RGS20: variants seen among roughly 807,000 people sequenced by gnomAD.
The protein encoded by RGS20 is regulator of G protein signaling 20.
RGS20 carries 30 observed loss-of-function variants against 33.6 expected under a neutral mutation model. The ratio of observed to expected loss-of-function variants is 0.89; its 90% CI spans 0.67 to 1.21. RGS20 has a LOEUF of 1.21. Ranked by LOEUF, RGS20 falls within the 50% of genes most tolerant of loss-of-function variation. The pLI is 0.00. For missense variants in RGS20, 472 were observed against 502.4 expected (o/e 0.94, Z 0.58); for synonymous variants, 208 against 197.9 (o/e 1.05, Z -0.43).
At chr8:53,854,230 A>G (rs1055748359) in intron 1 of RGS20, among the ~76,000 whole-genome samples, 3 of 152,194 alleles carry the variant, frequency 2.0e-5, no homozygotes, top group African/African-American at 7.2e-5. Flanking sequence ...AAATCAATAA[A>G]TAAGACTTCA....
intron 2 of RGS20, among the ~76,000 whole-genome samples, chr8:53,917,720 T>G (rs7825816): frequency 0.12 from 18,142 of 152,150 alleles, 3,122 homozygotes; most frequent in African/African-American, 0.38. Flanking sequence ...AGTGAGCTAC[T>G]ATCACACCAC....
intron 2 of RGS20, among the ~76,000 whole-genome samples, chr8:53,911,075 G>A (rs971394296): frequency 6.6e-6 from 1 of 152,162 alleles, no homozygotes; most frequent in African/African-American, 2.4e-5. Flanking sequence ...TGAACTATTA[G>A]ATCTGAGCTA....
intron 2 of RGS20, among the ~76,000 whole-genome samples, chr8:53,926,836 C>A (rs1813813993): frequency 6.6e-6 from 1 of 152,006 alleles, no homozygotes; most frequent in Non-Finnish European, 1.5e-5. Flanking sequence ...TCGCTTGAAC[C>A]CAAGAGGCGG....
At position 53,879,384 on chromosome 8, in the gene RGS20, C is replaced by A. The variant is rs1207750649; in HGVS notation, c.292C>A (p.Pro98Thr). 3 of 1,611,372 alleles carry A rather than the reference C, an allele frequency of 1.9e-6. No individual in the cohort carries two copies. The highest frequency in any genetic ancestry group is 3.3e-5 in the Admixed American group (2 of 60,008). The change falls in exon 2 of 6, where the codon CCC becomes ACC. Residue 98 changes from proline to threonine, a missense_variant. Pro to Thr is a conservative substitution (Grantham distance 38, BLOSUM62 -1). Around this residue, in one of 3 missense-constraint regions of RGS20, gnomAD observed 319 missense variants for 283.4 expected, o/e 1.13. Transcript: ENST00000297313. The stretch of plus-strand genomic sequence containing the variant: ...TCTCCGGCGACCCCCTCCCGAGGCT[C>A]CCCGGAGGCGCCTGGACTTCTCCCC...
At chr8:53,920,773 T>C (rs1813619674) in intron 2 of RGS20, among the ~76,000 whole-genome samples, 1 of 152,188 alleles carries the variant, frequency 6.6e-6, no homozygotes, top group Admixed American at 6.5e-5. Context: ...AATTTTTTTT[T>C]TGAGACGGGC....
Position 53,952,171 on chromosome 8 carries a change from G to A in RGS20, c.744-1905G>A, listed in dbSNP as rs375648479. Among the ~76,000 whole-genome samples the A allele has an allele frequency of 2.3e-3, 314 of 134,646 alleles. 8 individuals are homozygous for A. The East Asian group carries it at 0.055, about 23-fold the overall frequency. The allele number at this position is 134,646 out of a possible 152,430, so 88.3% of individuals were successfully genotyped here. The stretch of plus-strand genomic sequence containing the variant: ...CGGCTCACTGCAACATCTGCCTCCC[G>A]GGTTCAAGTGATTCTCCTGGCTCAG... On this transcript the variant is annotated intron_variant, in intron 4 of 5. Coordinates refer to ENST00000297313, the MANE Select transcript of RGS20 (RefSeq NM_170587.4).
At chr8:53,946,798 C>T in intron 4 of RGS20, 50 bp downstream of exon 3, 1 of 1,453,512 alleles carries the variant, frequency 6.9e-7, no homozygotes, top group East Asian at 2.3e-5. Flanking sequence ...AAATACTAAC[C>T]TCTTTCTTTT....
Position 53,874,772 on chromosome 8 carries a change from C to T in RGS20, c.166-4486C>T, listed in dbSNP as rs117507588. Among the ~76,000 whole-genome samples, 106 of 152,256 alleles carry T rather than the reference C, an allele frequency of 7.0e-4. 1 individual carries two copies. In the East Asian group the frequency reaches 0.011, roughly 16 times the overall value. Reference sequence around the variant, plus strand: ...ATTCTCTCTGTGTGTATATCTGTGTCGAAATTTCCCCTTTGTATAAGGACA... The same window carrying T: ...ATTCTCTCTGTGTGTATATCTGTGTTGAAATTTCCCCTTTGTATAAGGACA... On this transcript the variant is annotated intron_variant, in intron 1 of 5. Transcript: ENST00000297313.
In RGS20 at chr8:53,879,333, A is replaced by G; in HGVS notation, c.241A>G (p.Ser81Gly). The stretch of plus-strand genomic sequence containing the variant: ...CGGCCTCCTTTCTAGCCCGCTTTCC[A>G]GCCTCGCAAGGTTCTTCTCTCACCT... Residue 81 changes from serine to glycine, a missense_variant, in exon 2 of 6, where the codon AGC (serine) becomes GGC (glycine). Around this residue, in one of 3 missense-constraint regions of RGS20, gnomAD observed 319 missense variants for 283.4 expected, o/e 1.13. Coordinates refer to ENST00000297313, the MANE Select transcript of RGS20 (RefSeq NM_170587.4). The G allele has an allele frequency of 2.5e-6, 4 of 1,612,468 alleles. No individual in the cohort carries two copies. In the Admixed American group the frequency reaches 6.7e-5, roughly 27 times the overall value.
intron 4 of RGS20, among the ~76,000 whole-genome samples, chr8:53,947,420 A>G (rs1293944997): frequency 2.1e-5 from 3 of 140,220 alleles, no homozygotes; most frequent in Non-Finnish European, 3.0e-5. Context: ...ACATTTATAT[A>G]TGCTATATAT....
chr8:53,867,698 CCTTCCT>C (rs1811953903), intron 1 of RGS20, among the ~76,000 whole-genome samples: 1 of 150,162 alleles, frequency 6.7e-6, no homozygotes, highest in Non-Finnish European at 1.5e-5. Flanking sequence ...TTCCTTCCTT[CCTTCCT>C]TTCTTTGTTT....
intron 2 of RGS20, among the ~76,000 whole-genome samples, chr8:53,927,430 C>T (rs563816456): frequency 1.3e-5 from 2 of 152,112 alleles, no homozygotes; most frequent in Admixed American, 6.6e-5. Context: ...GTCTCAAACT[C>T]CTGAGCTCAA....
chr8:53,946,100 T>C (rs1814468666), intron 3 of RGS20, among the ~76,000 whole-genome samples: 1 of 152,248 alleles, frequency 6.6e-6, no homozygotes, highest in African/African-American at 2.4e-5. Context: ...TATTTGCCTA[T>C]AAATATATGA....
chr8:53,889,723 CTGTGTG>C (rs66766851), intron 2 of RGS20, among the ~76,000 whole-genome samples: 5,214 of 146,028 alleles, frequency 0.036, 208 homozygotes, highest in African/African-American at 0.098. Context: ...TGTCAAAATT[CTGTGTG>C]TGTGTGTGTG....
At chr8:53,937,188 T>C (rs1814160143) in intron 2 of RGS20, among the ~76,000 whole-genome samples, 1 of 152,214 alleles carries the variant, frequency 6.6e-6, no homozygotes, top group African/African-American at 2.4e-5. Context: ...ATATACCTAA[T>C]GTAAATGATG....
In RGS20 at chr8:53,954,277, T is replaced by C. The variant is rs773222856; in HGVS notation, c.945T>C (p.Tyr315=). 3 of 1,611,912 alleles carry C rather than the reference T, an allele frequency of 1.9e-6. No homozygotes were observed. The South Asian group carries it at 3.3e-5, about 18-fold the overall frequency. ...TTGAAGAGAAAGCAAGGATAATCTA[T>C]GAAGACTACATTTCTATACTTTCTC... is the stretch of plus-strand genomic sequence containing the variant. The change falls in exon 5 of 6, where the codon TAT becomes TAC. Residue 315 remains tyrosine, a synonymous_variant. Coordinates refer to ENST00000297313, the MANE Select transcript of RGS20 (RefSeq NM_170587.4).
intron 2 of RGS20, among the ~76,000 whole-genome samples, chr8:53,897,893 T>C (rs1459486388): frequency 6.6e-6 from 1 of 152,184 alleles, no homozygotes; most frequent in African/African-American, 2.4e-5. Flanking sequence ...TCTAAAAGCT[T>C]GGTAGGTCAG....
At chr8:53,870,533 C>T (rs1302920194) in intron 1 of RGS20, among the ~76,000 whole-genome samples, 3 of 152,156 alleles carry the variant, frequency 2.0e-5, no homozygotes, top group Non-Finnish European at 2.9e-5. Context: ...GATGGTGTCC[C>T]TTTTATCTTG....
At chr8:53,879,192 C>A in intron 1 of RGS20, 1 of 1,308,806 alleles carries the variant, frequency 7.6e-7, no homozygotes, top group Non-Finnish European at 1.1e-6. Context: ...TAGTAAAGAG[C>A]CCCATCTAAG....
Sources: allele counts gnomAD v4.1 joint callset (sites outside exome capture counted in the v4.1 genomes callset), GRCh38; gene constraint gnomAD v4.1.1; regional missense constraint gnomAD v4.1.1; transcripts MANE v1.5; gene names NCBI Gene and HGNC (gene_info 2026-07-23, HGNC 2026-07-21).